Variants in EPC2 observed in about 807,000 individuals in gnomAD.
EPC2 encodes enhancer of polycomb homolog 2.
Under a neutral mutation model 92.1 loss-of-function variants are expected in EPC2, and 14 were observed. The observed-to-expected ratio is 0.15, with a 90% CI of 0.10 to 0.24. The LOEUF (loss-of-function observed/expected upper bound fraction) is 0.24, where lower values mean the gene tolerates loss of function less well. Ranked by LOEUF, EPC2 falls within the 10% of genes least tolerant of loss-of-function variation. The probability of loss-of-function intolerance (pLI) is 1.00; values close to 1 mark genes in which losing one functional copy is unlikely to be tolerated. For synonymous variants in EPC2, 340 were observed against 334.7 expected, an observed-to-expected ratio of 1.02 and a Z score of -0.17; for missense variants, 755 against 971.5, an observed-to-expected ratio of 0.78 and a Z score of 2.96.
intron 3 of EPC2, among the ~76,000 whole-genome samples, chr2:148,744,210 TTTAGTGAGGTA>T (rs1682938124): frequency 6.6e-6 from 1 of 152,148 alleles, no homozygotes; most frequent in Non-Finnish European, 1.5e-5. Flanking sequence ...AAGAATATTC[TTTAGTGAGGTA>T]TTTTATATAT....
chr2:148,662,260 G>A (rs954983413), intron 1 of EPC2, among the ~76,000 whole-genome samples: 6 of 152,034 alleles, frequency 3.9e-5, no homozygotes, highest in Non-Finnish European at 7.4e-5. Flanking sequence ...TCAGTGTGGC[G>A]ATTCCTCAGG....
chr2:148,765,103 A>G lies in EPC2; in HGVS notation c.1097A>G (p.Lys366Arg). 2 of 1,591,610 alleles carry G rather than the reference A, an allele frequency of 1.3e-6. No individual in the cohort carries two copies. The highest frequency in any genetic ancestry group is 1.7e-6 in the Non-Finnish European group (2 of 1,168,280). Residue 366 changes from lysine (K) to arginine (R), a missense_variant, in exon 7 of 14, where the codon AAG (lysine) becomes AGG (arginine). Physicochemically the swap from Lys to Arg is conservative, Grantham distance 26. This residue lies in a region of EPC2 where 509 missense variants were observed against 607.7 expected (regional missense o/e 0.84). Transcript: ENST00000258484. Reference protein sequence around the residue: ...TLPVINKSDIKQYDFHSSDED... With the variant: ...TLPVINKSDIRQYDFHSSDED... ...CCTGTGATCAATAAGAGTGACATTAAGCAATATGATTTTCACAGCTCAGAT... is the reference window on the plus strand; with the variant it reads ...CCTGTGATCAATAAGAGTGACATTAGGCAATATGATTTTCACAGCTCAGAT...
chr2:148,752,159 G>A (rs1254384817), intron 3 of EPC2, among the ~76,000 whole-genome samples: 1 of 152,132 alleles, frequency 6.6e-6, no homozygotes, highest in Non-Finnish European at 1.5e-5. Flanking sequence ...TTGGTGGAAA[G>A]AGCACTTATC....
intron 3 of EPC2, among the ~76,000 whole-genome samples, chr2:148,747,309 C>T (rs1012467655): frequency 6.6e-6 from 1 of 152,058 alleles, no homozygotes; most frequent in African/African-American, 2.4e-5. Context: ...TCCATACTAC[C>T]TTTTACTCCT....
At chr2:148,764,307 G>A (rs1047194117) in intron 6 of EPC2, among the ~76,000 whole-genome samples, 1 of 152,156 alleles carries the variant, frequency 6.6e-6, no homozygotes, top group Non-Finnish European at 1.5e-5. Flanking sequence ...ATGCCAGTAT[G>A]TTAAAACAGT....
chr2:148,782,319 T>A (rs937584122), intron 11 of EPC2, among the ~76,000 whole-genome samples: 1 of 151,986 alleles, frequency 6.6e-6, no homozygotes, highest in Non-Finnish European at 1.5e-5. Context: ...GGCAGATCAC[T>A]TGGGGTCAGG....
chr2:148,726,765 G>GTTTTTTTTTTTTTTTTTGT (rs201293391), intron 2 of EPC2, among the ~76,000 whole-genome samples: 150 of 100,422 alleles, frequency 1.5e-3, no homozygotes, highest in Non-Finnish European at 2.3e-3. Flanking sequence ...TTTGTTTTTT[G>GTTTTTTTTTTTTTTTTTGT]TTTTTTTTTT....
chr2:148,723,623 T>C (rs1405929341), intron 2 of EPC2, among the ~76,000 whole-genome samples: 3 of 152,222 alleles, frequency 2.0e-5, no homozygotes, highest in African/African-American at 4.8e-5. Flanking sequence ...TTTTATATGT[T>C]GTTAAGATGG....
At chr2:148,673,814 G>C (rs1353830401) in intron 1 of EPC2, among the ~76,000 whole-genome samples, 1 of 152,146 alleles carries the variant, frequency 6.6e-6, no homozygotes, top group Non-Finnish European at 1.5e-5. Flanking sequence ...TCAAACTCCT[G>C]ACCTCAAGTG....
chr2:148,663,111 T>A (rs948134971), intron 1 of EPC2, among the ~76,000 whole-genome samples: 1 of 151,336 alleles, frequency 6.6e-6, no homozygotes, highest in African/African-American at 2.4e-5. Flanking sequence ...CAGCACACTC[T>A]TGTGGGAAAG....
Position 148,743,792 on chromosome 2 carries a change from CTT to C in EPC2, c.459+26_459+27del, listed in dbSNP as rs1574617873. The C allele has an allele frequency of 4.1e-6, 6 of 1,480,300 alleles. No individual in the cohort carries two copies. The East Asian group carries it at 1.5e-4, about 38-fold the overall frequency. The allele number at this position is 1,480,300 out of a possible 1,614,324, so 91.7% of individuals were successfully genotyped here. On this transcript the variant is annotated intron_variant, in intron 3 of 13. Coordinates refer to ENST00000258484, the MANE Select transcript of EPC2 (RefSeq NM_015630.4). ...GGTACTGTACCATGTAAAGATGTCT[CTT>C]ATCTTCTAGTTAACCCAATTTGCAC...
At chr2:148,744,308 A>T (rs1309314728) in intron 3 of EPC2, among the ~76,000 whole-genome samples, 1 of 152,100 alleles carries the variant, frequency 6.6e-6, no homozygotes, top group Non-Finnish European at 1.5e-5. Context: ...AAAAATATTT[A>T]TGCACTTTGA....
Position 148,786,619 on chromosome 2 carries a change from C to G in EPC2, c.*242C>G, listed in dbSNP as rs912987355. ...TGTTACTTGAATAGTAGATATTCAT[C>G]ATCATGCTTTTGCACTTGAATTTGC... On this transcript the variant is annotated 3_prime_UTR_variant, in exon 14 of 14. Coordinates refer to ENST00000258484, the MANE Select transcript of EPC2 (RefSeq NM_015630.4). The G allele has an allele frequency of 3.0e-6, 1 of 336,156 alleles. No homozygotes were observed. The highest frequency in any genetic ancestry group is 5.4e-6 in the Non-Finnish European group (1 of 184,248). 20.8% of individuals were successfully genotyped at this position (336,156 alleles called of 1,614,324 possible).
rs145025578 is a variant in EPC2, at chr2:148,711,750, ATAGT to A, written c.313+21379_313+21382del. On this transcript the variant is annotated intron_variant, in intron 2 of 13. Transcript: ENST00000258484. ...GCAGTTATATCAATTTTTGCCTCAC[ATAGT>A]TTGTTGCTCTGTCGTTAGGCACATG... is the stretch of plus-strand genomic sequence containing the variant. Among the ~76,000 whole-genome samples the A allele has an allele frequency of 2.8e-4, 42 of 152,282 alleles. No homozygotes were observed. The East Asian group carries it at 7.9e-3, about 29-fold the overall frequency.
At chr2:148,648,159 T>C (rs1683842307) in intron 1 of EPC2, among the ~76,000 whole-genome samples, 1 of 152,228 alleles carries the variant, frequency 6.6e-6, no homozygotes, top group Non-Finnish European at 1.5e-5. Context: ...AAAATCAAAA[T>C]TAAGCAAACC....
intron 2 of EPC2, among the ~76,000 whole-genome samples, chr2:148,697,699 C>T (rs1282708437): frequency 1.3e-5 from 2 of 152,140 alleles, no homozygotes; most frequent in African/African-American, 4.8e-5. Flanking sequence ...TAAGTGCTTC[C>T]ATTCAAACAC....
chr2:148,714,467 A>T (rs995185071), intron 2 of EPC2, among the ~76,000 whole-genome samples: 6 of 152,182 alleles, frequency 3.9e-5, no homozygotes, highest in African/African-American at 1.4e-4. Flanking sequence ...TTCTGCCTCT[A>T]GGTCTTTGAG....
At chr2:148,694,404 C>T (rs1681703361) in intron 2 of EPC2, among the ~76,000 whole-genome samples, 1 of 152,158 alleles carries the variant, frequency 6.6e-6, no homozygotes, top group Non-Finnish European at 1.5e-5. Flanking sequence ...TGAATCATAA[C>T]ACATTGAGCT....
chr2:148,685,694 G>C (rs1681503716), intron 1 of EPC2, among the ~76,000 whole-genome samples: 1 of 152,220 alleles, frequency 6.6e-6, no homozygotes, highest in Non-Finnish European at 1.5e-5. Context: ...TCCGCTTCGG[G>C]GGGCAGAGCC....
Sources: gnomAD v4.1 joint callset for allele counts (sites outside exome capture counted in the v4.1 genomes callset) on GRCh38, gnomAD v4.1.1 for gene constraint, gnomAD v4.1.1 regional missense constraint, MANE v1.5 for transcripts, NCBI Gene and HGNC (gene_info 2026-07-23, HGNC 2026-07-21) for gene names.